The following TM2D1 variants were observed in gnomAD, a reference collection of about 807,000 sequenced individuals.
TM2D1 encodes the protein TM2 domain containing 1.
In TM2D1, 15 loss-of-function variants were observed where a neutral mutation model predicts 28.4. The observed-to-expected ratio is 0.53, with a 90% CI of 0.35 to 0.81. TM2D1 has a LOEUF of 0.81. Ranked by LOEUF, TM2D1 falls within the 40% of genes least tolerant of loss-of-function variation. TM2D1 has a pLI of 0.01. For synonymous variants in TM2D1, 93 were observed against 96.2 expected, an observed-to-expected ratio of 0.97 and a Z score of 0.20; for missense variants, 236 against 254.9, an observed-to-expected ratio of 0.93 and a Z score of 0.50.
intron 3 of TM2D1, among the ~76,000 whole-genome samples, chr1:61,708,983 T>C (rs141776755): frequency 1.3e-5 from 2 of 151,864 alleles, no homozygotes. Context: ...CTGGGAAACA[T>C]AGAGAGATCT....
intron 4 of TM2D1, among the ~76,000 whole-genome samples, chr1:61,696,711 AGAG>A (rs1644365620): frequency 1.3e-5 from 2 of 151,990 alleles, no homozygotes; most frequent in Non-Finnish European, 2.9e-5. Flanking sequence ...CCACTTCTTT[AGAG>A]AAGTCTTCCC....
chr1:61,684,846 T>C (rs1644272118), intron 5 of TM2D1, among the ~76,000 whole-genome samples: 1 of 152,236 alleles, frequency 6.6e-6, no homozygotes, highest in Non-Finnish European at 1.5e-5. Flanking sequence ...TGGCATGATC[T>C]TGGCTCACTG....
intron 5 of TM2D1, among the ~76,000 whole-genome samples, chr1:61,688,899 C>T (rs1210246177): frequency 6.7e-6 from 1 of 150,270 alleles, no homozygotes; most frequent in Non-Finnish European, 1.5e-5. Flanking sequence ...TAGCTGGGCG[C>T]GGTGGCACAT....
At chr1:61,689,360 T>A (rs1459557743) in intron 5 of TM2D1, among the ~76,000 whole-genome samples, 1 of 150,212 alleles carries the variant, frequency 6.7e-6, no homozygotes, top group Non-Finnish European at 1.5e-5. Context: ...GGAAATATTT[T>A]ATTTTATTAT....
intron 5 of TM2D1, chr1:61,686,727 T>A (rs902917063): frequency 6.0e-6 from 5 of 836,600 alleles, no homozygotes; most frequent in Non-Finnish European, 7.2e-6. Flanking sequence ...ATATAATAAA[T>A]GTGCCAATTC....
chr1:61,718,144 C>T (rs1199525694), intron 2 of TM2D1, among the ~76,000 whole-genome samples: 4 of 152,022 alleles, frequency 2.6e-5, no homozygotes, highest in African/African-American at 9.7e-5. Flanking sequence ...ACCGTAAAAC[C>T]CCATCTCTAC....
chr1:61,724,772 G>A (rs1393770870), intron 1 of TM2D1, 185 bp downstream of exon 1: 5 of 545,906 alleles, frequency 9.2e-6, no homozygotes, highest in Non-Finnish European at 1.2e-5. Flanking sequence ...AATCACAAAG[G>A]GTGGCCTCTG....
At chr1:61,688,951 T>C (rs1163855138) in intron 5 of TM2D1, among the ~76,000 whole-genome samples, 46 of 142,308 alleles carry the variant, frequency 3.2e-4, no homozygotes, top group Middle Eastern at 9.2e-3. Context: ...GCAGGAGAAT[T>C]GCTTGAACCC....
intron 3 of TM2D1, among the ~76,000 whole-genome samples, chr1:61,707,686 A>C (rs1193484273): frequency 6.6e-6 from 1 of 152,250 alleles, no homozygotes; most frequent in African/African-American, 2.4e-5. Context: ...TGGTAGGCTT[A>C]GGATTATACA....
intron 5 of TM2D1, among the ~76,000 whole-genome samples, chr1:61,684,869 C>T (rs1151755): frequency 0.051 from 7,725 of 152,260 alleles, 327 homozygotes; most frequent in East Asian, 0.19. Flanking sequence ...ACCTCCCCCC[C>T]GGGGCTCTAG....
chr1:61,718,791 T>C (rs61285999), intron 2 of TM2D1, among the ~76,000 whole-genome samples: 8,627 of 152,258 alleles, frequency 0.057, 746 homozygotes, highest in African/African-American at 0.19. Flanking sequence ...AGGAACATTC[T>C]ATTAAAATAA....
At chr1:61,689,936 A>G (rs115193211) in intron 5 of TM2D1, among the ~76,000 whole-genome samples, 7 of 152,260 alleles carry the variant, frequency 4.6e-5, no homozygotes, top group Non-Finnish European at 7.4e-5. Flanking sequence ...TCTAACCCCA[A>G]ATGTGTTGGT....
At position 61,703,718 on chromosome 1, in the gene TM2D1, TTATATATATATATATATATATATA is replaced by T. The variant is rs56267637; in HGVS notation, c.348-2717_348-2694del. ...ATGAGCCACTGCACCTAGCCAATCT[TTATATATATATATATATATATATA>T]TATATATATATATGCATTTTTTTTT... On this transcript the variant is annotated intron_variant, in intron 3 of 6. Coordinates refer to ENST00000606498, the MANE Select transcript of TM2D1 (RefSeq NM_032027.3). Among the ~76,000 whole-genome samples, 494 of 99,084 alleles carry T rather than the reference TTATATATATATATATATATATATA, an allele frequency of 5.0e-3. 9 individuals are homozygous for T. The highest frequency in any genetic ancestry group is 0.019 in the African/African-American group (466 of 25,040). 65.0% of individuals were successfully genotyped at this position (99,084 alleles called of 152,430 possible). A position where few individuals can be genotyped will look rare whatever the true frequency, so the allele number is the denominator to read the frequency against.
intron 2 of TM2D1, 147 bp downstream of exon 2, chr1:61,723,566 C>A (rs993096151): frequency 2.3e-6 from 1 of 440,062 alleles, no homozygotes; most frequent in Non-Finnish European, 4.1e-6. Context: ...CTAGGTAGTT[C>A]TCCAGTTTTA....
At chr1:61,709,585 C>T (rs1644463349) in intron 2 of TM2D1, 148 bp from the exon 3 acceptor site, 2 of 606,402 alleles carry the variant, frequency 3.3e-6, no homozygotes, top group South Asian at 1.8e-5. Context: ...AAAAGTGACA[C>T]TACGTATGTA....
chr1:61,696,545 A>G (rs1166883998), intron 4 of TM2D1, among the ~76,000 whole-genome samples: 1 of 146,616 alleles, frequency 6.8e-6, no homozygotes, highest in Non-Finnish European at 1.5e-5. Context: ...CTTGTCTCAA[A>G]AAAAAAAAAA....
rs556704935 is a variant in TM2D1 at position 61,701,675 on chromosome 1, A to G, written c.348-650T>C. Among the ~76,000 whole-genome samples, 59 of 152,154 alleles carry G rather than the reference A, an allele frequency of 3.9e-4. 1 individual carries two copies. The highest frequency in any genetic ancestry group is 1.3e-3 in the African/African-American group (55 of 41,484). ...AGATGCTGTTTATGTGTCTAACGTT[A>G]TAAGGATGTCAAACTTTATGCTGAG... is the stretch of plus-strand genomic sequence containing the variant. On this transcript the variant is annotated intron_variant, in intron 3 of 6. Transcript: ENST00000606498.
chr1:61,718,301 AAGAG>A (rs1433242722), intron 2 of TM2D1, among the ~76,000 whole-genome samples: 1 of 152,076 alleles, frequency 6.6e-6, no homozygotes, highest in Non-Finnish European at 1.5e-5. Context: ...AAAAAAAAAA[AAGAG>A]AGAGAAAAAT....
At chr1:61,716,579 T>TTA (rs56776117) in intron 2 of TM2D1, among the ~76,000 whole-genome samples, 46 of 144,992 alleles carry the variant, frequency 3.2e-4, no homozygotes, top group African/African-American at 5.0e-4. Flanking sequence ...GTATATAATT[T>TTA]TATATATATA....
Sources: gnomAD v4.1 joint callset for allele counts (sites outside exome capture counted in the v4.1 genomes callset) on GRCh38, gnomAD v4.1.1 for gene constraint, MANE v1.5 for transcripts, NCBI Gene and HGNC (gene_info 2026-07-23, HGNC 2026-07-21) for gene names.